NRXN3: variants seen among roughly 807,000 people sequenced by gnomAD.
NRXN3 encodes neurexin 3.
NRXN3 carries 32 observed loss-of-function variants against 137.6 expected under a neutral mutation model. The observed-to-expected ratio is 0.23, with a 90% CI of 0.18 to 0.31. The LOEUF is 0.31. Among genes scored for constraint, NRXN3 ranks in the 10% least tolerant of loss-of-function variants. The pLI, the probability that NRXN3 is intolerant of heterozygous loss-of-function variation, is 1.00. For synonymous variants in NRXN3, 798 were observed against 784.5 expected, an observed-to-expected ratio of 1.02 and a Z score of -0.29; for missense variants, 1,574 against 2,062.5, an observed-to-expected ratio of 0.76 and a Z score of 4.59.
rs576848268 is a variant in NRXN3, at chr14:78,976,574, C to T, written c.3142+8228C>T. On this transcript the variant is annotated intron_variant, in intron 14 of 20. Coordinates refer to ENST00000335750, the MANE Select transcript of NRXN3 (RefSeq NM_001330195.2). ...ATATTGTCCTCCACCTCATTTTCTC[C>T]GAAACTGAAGATTGTATCACATTCT... Among the ~76,000 whole-genome samples, 20 of 152,232 alleles carry T rather than the reference C, an allele frequency of 1.3e-4. No homozygotes were observed. In the East Asian group the frequency reaches 1.7e-3, roughly 13 times the overall value.
chr14:78,389,820 C>T (rs1315185490), intron 4 of NRXN3, among the ~76,000 whole-genome samples: 1 of 152,054 alleles, frequency 6.6e-6, no homozygotes, highest in Non-Finnish European at 1.5e-5. Context: ...AAAAACTTTT[C>T]CAAGTCAGAG....
chr14:78,790,414 G>A (rs1262463597), intron 8 of NRXN3, among the ~76,000 whole-genome samples: 1 of 152,130 alleles, frequency 6.6e-6, no homozygotes, highest in Non-Finnish European at 1.5e-5. Context: ...TTTCAACCTT[G>A]TCCACAAGAG....
intron 11 of NRXN3, among the ~76,000 whole-genome samples, chr14:78,961,973 T>A (rs1258742671): frequency 6.6e-6 from 1 of 152,156 alleles, no homozygotes; most frequent in Non-Finnish European, 1.5e-5. Context: ...ATATTACCCA[T>A]GAATTAGATG....
At chr14:79,540,157 TA>T in intron 16 of NRXN3, among the ~76,000 whole-genome samples, 1 of 145,544 alleles carries the variant, frequency 6.9e-6, no homozygotes, top group Non-Finnish European at 1.5e-5. Flanking sequence ...AAAGATGCCT[TA>T]AAAAGATTGC....
At chr14:79,280,577 G>C in intron 15 of NRXN3, 1 of 1,571,288 alleles carries the variant, frequency 6.4e-7, no homozygotes, top group Non-Finnish European at 8.7e-7. Context: ...ATGGGGCATA[G>C]CAATTCGCTA....
intron 4 of NRXN3, among the ~76,000 whole-genome samples, chr14:78,401,447 G>A (rs961055987): frequency 6.6e-6 from 1 of 152,106 alleles, no homozygotes; most frequent in African/African-American, 2.4e-5. Context: ...TTACAGGCGT[G>A]AGCCACCACG....
chr14:78,512,948 G>A (rs1285476668), intron 4 of NRXN3, among the ~76,000 whole-genome samples: 1 of 152,136 alleles, frequency 6.6e-6, no homozygotes, highest in Non-Finnish European at 1.5e-5. Context: ...AAGCAGTCCT[G>A]CCCCAGGCTT....
At position 79,656,482 on chromosome 14, in the gene NRXN3, T is replaced by C. The variant is rs1055180974; in HGVS notation, c.3445-7296T>C. ...GATGACTCAGGATGCCAGTTGTGACTGGTGACTTAGAGCCGTGGTAGCTTT... is the reference window on the plus strand; with the variant it reads ...GATGACTCAGGATGCCAGTTGTGACCGGTGACTTAGAGCCGTGGTAGCTTT... On this transcript the variant is annotated intron_variant, in intron 16 of 20. Transcript: ENST00000335750. Among the ~76,000 whole-genome samples the C allele has an allele frequency of 3.4e-4, 51 of 152,208 alleles. 2 individuals are homozygous for C. The highest frequency in any genetic ancestry group is 1.5e-5 in the Non-Finnish European group (1 of 68,030).
intron 15 of NRXN3, among the ~76,000 whole-genome samples, chr14:79,285,044 C>A (rs948956933): frequency 1.3e-5 from 2 of 152,010 alleles, no homozygotes; most frequent in African/African-American, 4.8e-5. Flanking sequence ...TTAACTTGTT[C>A]TTGAGAGACC....
intron 4 of NRXN3, among the ~76,000 whole-genome samples, chr14:78,348,966 G>A (rs975029473): frequency 1.3e-5 from 2 of 152,148 alleles, no homozygotes; most frequent in Admixed American, 1.3e-4. Context: ...TGTGCAGAGG[G>A]CACACAAGCA....
At chr14:78,989,726 G>C (rs565209389) in intron 15 of NRXN3, among the ~76,000 whole-genome samples, 1 of 152,230 alleles carries the variant, frequency 6.6e-6, no homozygotes, top group East Asian at 1.9e-4. Flanking sequence ...CACTAGGAAG[G>C]CTTTTTTCTC....
chr14:79,438,293 C>T (rs1261452131), intron 15 of NRXN3, among the ~76,000 whole-genome samples: 1 of 152,196 alleles, frequency 6.6e-6, no homozygotes, highest in African/African-American at 2.4e-5. Flanking sequence ...AAGATATTCT[C>T]TATCTAGGTA....
intron 15 of NRXN3, among the ~76,000 whole-genome samples, chr14:79,082,783 T>A (rs2047320276): frequency 6.6e-6 from 1 of 152,170 alleles, no homozygotes; most frequent in Non-Finnish European, 1.5e-5. Context: ...ATACATGTCA[T>A]AAAAAACTTT....
intron 4 of NRXN3, among the ~76,000 whole-genome samples, chr14:78,580,802 T>C (rs1030167689): frequency 2.8e-4 from 43 of 152,188 alleles, no homozygotes; most frequent in African/African-American, 1.0e-3. Context: ...AACTCTTCTT[T>C]GGGGCCAGGC....
intron 15 of NRXN3, among the ~76,000 whole-genome samples, chr14:79,301,292 T>C (rs2085095943): frequency 6.6e-6 from 1 of 152,042 alleles, no homozygotes; most frequent in Non-Finnish European, 1.5e-5. Flanking sequence ...GGCAGCTTTT[T>C]TGTTGCTGAA....
chr14:79,400,793 A>T (rs1181331075), intron 15 of NRXN3, among the ~76,000 whole-genome samples: 2 of 152,194 alleles, frequency 1.3e-5, no homozygotes, highest in African/African-American at 2.4e-5. Flanking sequence ...TCATTAAACC[A>T]TTAAAGATTG....
intron 6 of NRXN3, among the ~76,000 whole-genome samples, chr14:78,663,747 T>C (rs1418513932): frequency 6.6e-6 from 1 of 152,176 alleles, no homozygotes; most frequent in Non-Finnish European, 1.5e-5. Flanking sequence ...TCAGTGGAAC[T>C]CATTGCTTTC....
At chr14:79,757,997 A>G (rs903819581) in intron 19 of NRXN3, among the ~76,000 whole-genome samples, 12 of 152,262 alleles carry the variant, frequency 7.9e-5, no homozygotes, top group African/African-American at 2.6e-4. Context: ...ATAAATATAC[A>G]TTATCCATTA....
intron 4 of NRXN3, among the ~76,000 whole-genome samples, chr14:78,470,847 A>T (rs2095250564): frequency 6.6e-6 from 1 of 152,158 alleles, no homozygotes; most frequent in Non-Finnish European, 1.5e-5. Flanking sequence ...GGGGTACTGG[A>T]CCAGGTAAGT....
Sources: allele counts gnomAD v4.1 joint callset (sites outside exome capture counted in the v4.1 genomes callset), GRCh38; gene constraint gnomAD v4.1.1; transcripts MANE v1.5; gene names NCBI Gene and HGNC (gene_info 2026-07-23, HGNC 2026-07-21).